The following USH2A variants were observed in gnomAD, a reference collection of about 807,000 sequenced individuals.
The protein encoded by USH2A is Usher syndrome 2A (autosomal recessive, mild).
In USH2A, 443 loss-of-function variants were observed where a neutral mutation model predicts 538.9. The observed-to-expected ratio is 0.82, with a 90% CI of 0.76 to 0.89. The LOEUF is 0.89. USH2A is among the 40% of genes least tolerant of loss of function. USH2A has a pLI of 0.00. For missense variants in USH2A, 6,633 were observed against 6,324.8 expected (o/e 1.05, Z -1.65); for synonymous variants, 2,413 against 2,273.5 (o/e 1.06, Z -1.75).
chr1:216,293,819 T>C (rs572297851), intron 9 of USH2A, among the ~76,000 whole-genome samples: 19 of 152,186 alleles, frequency 1.2e-4, no homozygotes, highest in Admixed American at 5.2e-4. Context: ...AAAATAAACG[T>C]GATCGGTCAC....
intron 34 of USH2A, among the ~76,000 whole-genome samples, chr1:215,996,261 G>A (rs1486613742): frequency 2.6e-5 from 4 of 152,202 alleles, no homozygotes; most frequent in African/African-American, 7.2e-5. Context: ...CAGGGATTGG[G>A]GATGTTAAGA....
chr1:216,135,179 T>C (rs301741), intron 21 of USH2A, among the ~76,000 whole-genome samples: 103,059 of 135,280 alleles, frequency 0.76, 36,643 homozygotes, highest in East Asian at 0.82. Context: ...CACACACACA[T>C]ACACACACAC....
Position 216,394,003 on chromosome 1 carries a change from C to T in USH2A, c.651+24511G>A, listed in dbSNP as rs2102750222. On this transcript the variant is annotated intron_variant, in intron 3 of 71. Transcript: ENST00000307340. ...AATGGGAAGATTTGAACAAACATTT[C>T]ACTAAAGAGGATACACACATGGGAG... 1.3e-5 allele frequency among the ~76,000 whole-genome samples: 2 copies of T among 152,256 alleles called. 1 individual carries two copies. The highest frequency in any genetic ancestry group is 4.1e-4 in the South Asian group (2 of 4,822).
intron 49 of USH2A, among the ~76,000 whole-genome samples, chr1:215,806,688 C>T (rs1360454720): frequency 2.0e-5 from 3 of 152,054 alleles, no homozygotes; most frequent in Non-Finnish European, 2.9e-5. Context: ...TTGTAGTTCA[C>T]TGTTCACTCT....
intron 27 of USH2A, among the ~76,000 whole-genome samples, chr1:216,073,754 A>G (rs1332679159): frequency 6.6e-6 from 1 of 152,238 alleles, no homozygotes; most frequent in Non-Finnish European, 1.5e-5. Context: ...CTCATTGGGG[A>G]AAAATACACT....
At chr1:216,207,713 C>CTT (rs33954636) in intron 15 of USH2A, among the ~76,000 whole-genome samples, 132 of 129,548 alleles carry the variant, frequency 1.0e-3, no homozygotes, top group Non-Finnish European at 1.3e-3. Context: ...CTTTCTTTGC[C>CTT]TTTTTTTTTT....
At chr1:216,015,651 C>T (rs960658896) in intron 32 of USH2A, among the ~76,000 whole-genome samples, 5 of 152,192 alleles carry the variant, frequency 3.3e-5, no homozygotes, top group African/African-American at 1.2e-4. Context: ...AAAAGCATTC[C>T]TATTTCTCCA....
intron 42 of USH2A, 41 bp from the exon 43 acceptor site, chr1:215,877,921 C>T (rs1384250040): frequency 9.9e-6 from 16 of 1,612,506 alleles, no homozygotes; most frequent in Non-Finnish European, 1.4e-5. Context: ...ATTATCTCAA[C>T]TCATATTGAG....
chr1:216,388,323 A>G (rs1558066443), intron 3 of USH2A, among the ~76,000 whole-genome samples: 1 of 152,186 alleles, frequency 6.6e-6, no homozygotes, highest in African/African-American at 2.4e-5. Context: ...CTTTAAAGCA[A>G]TACTTAAGGA....
chr1:215,889,201 G>A (rs1338476358), intron 40 of USH2A, 147 bp from the exon 41 acceptor site: 19 of 943,492 alleles, frequency 2.0e-5, no homozygotes, highest in African/African-American at 3.3e-5. Flanking sequence ...GTGCCATAAA[G>A]ACAAGGACTG....
intron 3 of USH2A, among the ~76,000 whole-genome samples, chr1:216,407,183 G>A (rs987326979): frequency 6.6e-6 from 1 of 151,870 alleles, no homozygotes; most frequent in Non-Finnish European, 1.5e-5. Flanking sequence ...AAGCAAAACT[G>A]AACCAATTAT....
At chr1:215,912,015 A>G (rs954863691) in intron 38 of USH2A, among the ~76,000 whole-genome samples, 7 of 151,998 alleles carry the variant, frequency 4.6e-5, no homozygotes, top group Non-Finnish European at 1.0e-4. Context: ...TTCTTTTGAG[A>G]AATGTCTATT....
chr1:215,921,589 G>A (rs1666100679), intron 38 of USH2A, among the ~76,000 whole-genome samples: 1 of 151,998 alleles, frequency 6.6e-6, no homozygotes, highest in Admixed American at 6.6e-5. Flanking sequence ...CAAAATCTGT[G>A]TTGCTGCTGC....
At chr1:215,681,942 T>C (rs1451919813) in intron 61 of USH2A, among the ~76,000 whole-genome samples, 1 of 152,196 alleles carries the variant, frequency 6.6e-6, no homozygotes, top group African/African-American at 2.4e-5. Flanking sequence ...ACAGAAATAC[T>C]AATTTCTCTT....
At chr1:216,086,081 G>T (rs948232381) in intron 24 of USH2A, among the ~76,000 whole-genome samples, 3 of 152,022 alleles carry the variant, frequency 2.0e-5, no homozygotes, top group African/African-American at 7.2e-5. Context: ...CGTTTGAAGG[G>T]TGATTTTTTT....
intron 19 of USH2A, among the ~76,000 whole-genome samples, chr1:216,190,661 T>A (rs1412624362): frequency 1.3e-5 from 2 of 151,960 alleles, no homozygotes; most frequent in Non-Finnish European, 2.9e-5. Flanking sequence ...TTGTCACCAA[T>A]GGTAGAGATA....
intron 4 of USH2A, among the ~76,000 whole-genome samples, chr1:216,327,904 T>C (rs1420759979): frequency 6.6e-6 from 1 of 152,132 alleles, no homozygotes; most frequent in East Asian, 1.9e-4. Context: ...TATTTACTGA[T>C]CGAACTCATG....
intron 20 of USH2A, among the ~76,000 whole-genome samples, chr1:216,189,865 G>A (rs1198300480): frequency 1.3e-5 from 2 of 151,878 alleles, no homozygotes; most frequent in East Asian, 1.9e-4. Context: ...CTAGGACACA[G>A]GTTGGTAGTT....
chr1:215,790,894 C>G (rs1661962287), intron 50 of USH2A, among the ~76,000 whole-genome samples: 1 of 152,204 alleles, frequency 6.6e-6, no homozygotes, highest in South Asian at 2.1e-4. Flanking sequence ...GTTCACTGAT[C>G]AGGTGCACTA....
Sources: allele counts gnomAD v4.1 joint callset (sites outside exome capture counted in the v4.1 genomes callset), GRCh38; gene constraint gnomAD v4.1.1; transcripts MANE v1.5; gene names NCBI Gene and HGNC (gene_info 2026-07-23, HGNC 2026-07-21).